The following POFUT2 variants were observed in gnomAD, a reference collection of about 807,000 sequenced individuals.
POFUT2 encodes the protein GDP-fucose protein O-fucosyltransferase 2.
Under a neutral mutation model 55.0 loss-of-function variants are expected in POFUT2, and 30 were observed. The observed-to-expected ratio is 0.55, with a 90% confidence interval of 0.41 to 0.74. The LOEUF is 0.74. POFUT2 is among the 30% of genes least tolerant of loss of function. The pLI, the probability that POFUT2 is intolerant of heterozygous loss-of-function variation, is 0.00. For synonymous variants in POFUT2, 267 were observed against 231.1 expected (o/e 1.16, Z -1.41); for missense variants, 524 against 562.6 (o/e 0.93, Z 0.69).
At chr21:45,287,073 C>G (rs2031497987) in intron 1 of POFUT2, among the ~76,000 whole-genome samples, 1 of 151,972 alleles carries the variant, frequency 6.6e-6, no homozygotes, top group Non-Finnish European at 1.5e-5. Flanking sequence ...CCCCGGGCCT[C>G]GCAGACGACC....
At chr21:45,274,165 C>A (rs1321900068) in intron 6 of POFUT2, among the ~76,000 whole-genome samples, 2 of 152,158 alleles carry the variant, frequency 1.3e-5, no homozygotes, top group African/African-American at 4.8e-5. Context: ...CTGCTACACA[C>A]CAACAACAAC....
intron 1 of POFUT2, among the ~76,000 whole-genome samples, chr21:45,286,897 G>A (rs946188955): frequency 5.3e-5 from 8 of 152,186 alleles, no homozygotes; most frequent in Non-Finnish European, 7.4e-5. Flanking sequence ...CAGGGCGGCC[G>A]CGAAGCTCGT....
rs1265832163 is a variant in POFUT2 at position 45,267,730 on chromosome 21, G to A, written c.1013-17C>T. ...CTTCATATTCTGCAAAGTAGAAGGA[G>A]AGACCCTTTGAACCGGGATCCTCCA... On this transcript the variant is annotated splice_polypyrimidine_tract_variant and intron_variant, in intron 7 of 8. Transcript: ENST00000349485. The surrounding 1 kb of genome is among the most constrained non-coding windows in gnomAD (Gnocchi z 4.4). 6.2e-7 allele frequency: 1 copy of A among 1,610,352 alleles called. No individual in the cohort carries two copies. The highest frequency in any genetic ancestry group is 8.5e-7 in the Non-Finnish European group (1 of 1,177,154).
chr21:45,284,490 G>T lies in POFUT2; in HGVS notation c.383-963C>A, dbSNP rs2031160599. Among the ~76,000 whole-genome samples the T allele has an allele frequency of 6.6e-6, 1 of 152,186 alleles. No individual in the cohort carries two copies. The highest frequency in any genetic ancestry group is 2.4e-5 in the African/African-American group (1 of 41,440). On this transcript the variant is annotated intron_variant, in intron 2 of 8. Coordinates refer to ENST00000349485, the MANE Select transcript of POFUT2 (RefSeq NM_133635.6). This position sits in a 1 kb window ranked among gnomAD's most constrained non-coding sequence, Gnocchi z 5.8. ...ACCCAGTTCCTTCCCCACCTCACAG[G>T]CGAGGAAACAGCTCAGCAAAGCCCC...
At chr21:45,268,849 CGGGA>C (rs2093187074) in intron 7 of POFUT2, among the ~76,000 whole-genome samples, 1 of 72,598 alleles carries the variant, frequency 1.4e-5, no homozygotes, top group African/African-American at 5.4e-5. Flanking sequence ...CCGCCCCGTC[CGGGA>C]GGGAGGTGGG....
At chr21:45,283,251 AG>A (rs1354902860) in intron 3 of POFUT2, 131 bp downstream of exon 3, 8 of 397,908 alleles carry the variant, frequency 2.0e-5, no homozygotes, top group Admixed American at 9.4e-5. Context: ...GGGGTGCTGC[AG>A]GGGGGGCGGG....
rs925021446 is a variant in POFUT2 at position 45,267,683 on chromosome 21, TC to T, written c.1042del (p.Glu348ArgfsTer3). 19 of 1,614,054 alleles carry T rather than the reference TC, an allele frequency of 1.2e-5. No homozygotes were observed. The highest frequency in any genetic ancestry group is 1.6e-5 in the Non-Finnish European group (19 of 1,180,030). On this transcript the variant is annotated frameshift_variant, in exon 8 of 9. Transcript: ENST00000349485. LOFTEE classifies it high-confidence loss of function. The surrounding 1 kb of genome is among the most constrained non-coding windows in gnomAD (Gnocchi z 4.4). ...CCACGTGGGTTCAAACCTCACCATC[TC>T]GGGTAACAGCTTTTTTAGCTCTTCA... ...EYEELKKLLP[E>X]MVRFEPTWEE...
At chr21:45,280,572 C>T (rs2030501631) in intron 4 of POFUT2, among the ~76,000 whole-genome samples, 2 of 152,202 alleles carry the variant, frequency 1.3e-5, no homozygotes, top group South Asian at 2.1e-4. Flanking sequence ...CGGTTGGTTT[C>T]CCGAGCATGA....
In POFUT2 at chr21:45,285,259, C is replaced by T. The variant is rs75850420; in HGVS notation, c.382+419G>A. ...AAAGATTAAGCAACACAAAATTAAACGAGACAGACCTTTATCCCTGGCGCT... is the reference window on the plus strand; with the variant it reads ...AAAGATTAAGCAACACAAAATTAAATGAGACAGACCTTTATCCCTGGCGCT... On this transcript the variant is annotated intron_variant, in intron 2 of 8. Transcript: ENST00000349485. This position sits in a 1 kb window ranked among gnomAD's most constrained non-coding sequence, Gnocchi z 4.9. 11,806 of 213,592 alleles carry T rather than the reference C, an allele frequency of 0.055. 422 individuals carry two copies. The highest frequency in any genetic ancestry group is 0.11 in the East Asian group (921 of 8,426). The allele number at this position is 213,592 out of a possible 1,614,324, so 13.2% of individuals were successfully genotyped here.
rs1291020721 is a variant in POFUT2 at position 45,287,851 on chromosome 21, G to A, written c.21C>T (p.Val7=). Residue 7 remains valine (V), a synonymous_variant, in exon 1 of 9, where the codon GTC becomes GTT. Coordinates refer to ENST00000349485, the MANE Select transcript of POFUT2 (RefSeq NM_133635.6). ...AGGACACTGCCCCCAGCAGCAGGAAGACGAAGCTGAGTGTCGCCATGGCCC... is the reference window on the plus strand; with the variant it reads ...AGGACACTGCCCCCAGCAGCAGGAAAACGAAGCTGAGTGTCGCCATGGCCC... MATLSF[V]FLLLGAVSWP... The A allele has an allele frequency of 1.4e-6, 2 of 1,424,552 alleles. No homozygotes were observed. The highest frequency in any genetic ancestry group is 1.5e-5 in the African/African-American group (1 of 66,536). The allele number at this position is 1,424,552 out of a possible 1,614,324, so 88.2% of individuals were successfully genotyped here.
At position 45,264,634 on chromosome 21, in the gene POFUT2, CG is replaced by C. The variant is rs1369756712; in HGVS notation, c.*847del. On this transcript the variant is annotated 3_prime_UTR_variant, in exon 9 of 9. Coordinates refer to ENST00000349485, the MANE Select transcript of POFUT2 (RefSeq NM_133635.6). ...GGAGGCCCCATGTGCACCTGCCAGC[CG>C]GGGCGAGGGCAGGGACGGCCAGCCG... 2.3e-5 allele frequency: 3 copies of C among 131,220 alleles called. No individual in the cohort carries two copies. Among genetic ancestry groups the C allele is most frequent in the African/African-American group, 8.5e-5 (3 of 35,196 alleles). The allele number at this position is 131,220 out of a possible 1,614,324, so 8.1% of individuals were successfully genotyped here.
intron 4 of POFUT2, among the ~76,000 whole-genome samples, chr21:45,278,719 G>T (rs749563488): frequency 2.6e-5 from 4 of 152,258 alleles, no homozygotes; most frequent in Non-Finnish European, 5.9e-5. Flanking sequence ...AGGAACACGG[G>T]CACACGACTG....
At chr21:45,269,285 G>T (rs1404947672) in intron 7 of POFUT2, among the ~76,000 whole-genome samples, 11 of 152,234 alleles carry the variant, frequency 7.2e-5, no homozygotes, top group African/African-American at 1.2e-4. Context: ...GTCTGGGAGG[G>T]GTACCCAACA....
rs997087389 is a variant in POFUT2, at chr21:45,284,539, G to A, written c.383-1012C>T. ...CCAGGCTGGTGGATGGCAGGTAAGC[G>A]TGAGACCAGCATATGTGCCTCAGAA... On this transcript the variant is annotated intron_variant, in intron 2 of 8. Coordinates refer to ENST00000349485, the MANE Select transcript of POFUT2 (RefSeq NM_133635.6). This position sits in a 1 kb window ranked among gnomAD's most constrained non-coding sequence, Gnocchi z 5.8. Among the ~76,000 whole-genome samples the A allele has an allele frequency of 6.6e-6, 1 of 152,208 alleles. No homozygotes were observed. The highest frequency in any genetic ancestry group is 1.5e-5 in the Non-Finnish European group (1 of 68,036).
intron 2 of POFUT2, 140 bp from the exon 3 acceptor site, chr21:45,283,667 A>G (rs553249556): frequency 2.3e-6 from 2 of 865,892 alleles, no homozygotes; most frequent in Non-Finnish European, 3.6e-6. Context: ...TCACAAAAGC[A>G]GAGACAGGGC....
At chr21:45,283,349 C>T (rs1325127002) in intron 3 of POFUT2, 34 bp downstream of exon 3, 18 of 1,350,464 alleles carry the variant, frequency 1.3e-5, no homozygotes, top group Non-Finnish European at 1.6e-5. Context: ...GGTGGGGGGG[C>T]ACCTGCGGCA....
At chr21:45,278,571 GA>G (rs890881033) in intron 4 of POFUT2, among the ~76,000 whole-genome samples, 3 of 152,196 alleles carry the variant, frequency 2.0e-5, no homozygotes, top group Non-Finnish European at 4.4e-5. Context: ...AAGCTGCCTG[GA>G]AACAAATTCA....
intron 6 of POFUT2, among the ~76,000 whole-genome samples, chr21:45,273,086 G>A (rs1421791474): frequency 1.3e-5 from 2 of 151,904 alleles, no homozygotes; most frequent in African/African-American, 2.4e-5. Context: ...AAATACAAAA[G>A]TTAAATGAAA....
At chr21:45,283,024 G>C (rs894904287) in intron 3 of POFUT2, 1 of 426,810 alleles carries the variant, frequency 2.3e-6, no homozygotes, top group East Asian at 7.0e-5. Flanking sequence ...CATTCTCCAG[G>C]CCTCAGCACA....
Sources: gnomAD v4.1 joint callset for allele counts (sites outside exome capture counted in the v4.1 genomes callset) on GRCh38, gnomAD v4.1.1 for gene constraint, Gnocchi (gnomAD v3.1) non-coding constraint, MANE v1.5 for transcripts, NCBI Gene and HGNC (gene_info 2026-07-23, HGNC 2026-07-21) for gene names.